CTNNBIP1: variants seen among roughly 807,000 people sequenced by gnomAD.
CTNNBIP1 encodes the protein beta-catenin-interacting protein 1.
Under a neutral mutation model 11.8 loss-of-function variants are expected in CTNNBIP1, and 7 were observed. That is an observed-to-expected ratio of 0.60 (90% CI 0.34 to 1.12). The LOEUF (loss-of-function observed/expected upper bound fraction) is 1.12, where lower values mean the gene tolerates loss of function less well. Among genes scored for constraint, CTNNBIP1 ranks in the 50% most tolerant of loss-of-function variants. The pLI is 0.03. For missense variants in CTNNBIP1, 101 were observed against 113.4 expected (o/e 0.89, Z 0.50); for synonymous variants, 58 against 43.9 (o/e 1.32, Z -1.26).
At chr1:9,868,962 C>T in intron 5 of CTNNBIP1, among the ~76,000 whole-genome samples, 1 of 151,944 alleles carries the variant, frequency 6.6e-6, no homozygotes. Context: ...AAATTTCTGA[C>T]AGTCTGGTAT....
At chr1:9,850,858 G>T in intron 5 of CTNNBIP1, 82 bp from the exon 6 acceptor site, 3 of 1,315,342 alleles carry the variant, frequency 2.3e-6, no homozygotes, top group Non-Finnish European at 3.3e-6. Context: ...CTGCGGCCAA[G>T]CTGGAGCCCC....
intron 5 of CTNNBIP1, among the ~76,000 whole-genome samples, chr1:9,857,903 G>T (rs1438726108): frequency 6.6e-6 from 1 of 152,232 alleles, no homozygotes; most frequent in South Asian, 2.1e-4. Context: ...TGGCCAGGTT[G>T]TGGAGCAATT....
chr1:9,865,039 G>A (rs1004549843), intron 5 of CTNNBIP1, among the ~76,000 whole-genome samples: 13 of 151,796 alleles, frequency 8.6e-5, no homozygotes, highest in African/African-American at 3.1e-4. Flanking sequence ...GACAAATCTG[G>A]CCAACATGGT....
intron 1 of CTNNBIP1, among the ~76,000 whole-genome samples, chr1:9,893,684 G>A (rs1336613507): frequency 6.6e-6 from 1 of 152,128 alleles, no homozygotes; most frequent in African/African-American, 2.4e-5. Context: ...GATTTCTGAG[G>A]ATTAAGACTT....
At chr1:9,899,993 G>A (rs986780252) in intron 1 of CTNNBIP1, among the ~76,000 whole-genome samples, 1 of 151,388 alleles carries the variant, frequency 6.6e-6, no homozygotes, top group African/African-American at 2.4e-5. Context: ...AGAATCCCTT[G>A]AACCCAGGAG....
chr1:9,860,636 GA>G (rs1236244940), intron 5 of CTNNBIP1, among the ~76,000 whole-genome samples: 2 of 136,032 alleles, frequency 1.5e-5, no homozygotes, highest in East Asian at 4.3e-4. Context: ...AAAAAAAAAA[GA>G]AAAAAGAATC....
intron 5 of CTNNBIP1, among the ~76,000 whole-genome samples, chr1:9,864,601 T>C (rs1005430683): frequency 6.6e-6 from 1 of 152,194 alleles, no homozygotes; most frequent in African/African-American, 2.4e-5. Context: ...GTGCTGAGAT[T>C]ACAGGTGTGA....
At chr1:9,888,304 G>A (rs990769951) in intron 1 of CTNNBIP1, among the ~76,000 whole-genome samples, 2 of 151,926 alleles carry the variant, frequency 1.3e-5, no homozygotes, top group South Asian at 2.1e-4. Context: ...CATGGTGGCC[G>A]GGCGCGGTGG....
intron 1 of CTNNBIP1, among the ~76,000 whole-genome samples, chr1:9,893,907 AG>A (rs1359988395): frequency 1.3e-5 from 2 of 152,252 alleles, no homozygotes; most frequent in East Asian, 3.8e-4. Flanking sequence ...CACCCAAAAA[AG>A]AAGTTCCTAA....
intron 5 of CTNNBIP1, among the ~76,000 whole-genome samples, chr1:9,865,228 C>CA (rs34199460): frequency 0.12 from 10,560 of 86,156 alleles, 464 homozygotes; most frequent in Middle Eastern, 0.23. Flanking sequence ...GACTCTGTCT[C>CA]AAAAAAAAAA....
intron 5 of CTNNBIP1, among the ~76,000 whole-genome samples, chr1:9,858,795 T>G (rs1638563875): frequency 6.6e-6 from 1 of 152,114 alleles, no homozygotes; most frequent in Non-Finnish European, 1.5e-5. Context: ...GAATCTTTAC[T>G]TTACAGATGA....
intron 5 of CTNNBIP1, among the ~76,000 whole-genome samples, chr1:9,858,249 C>T (rs1217961742): frequency 6.6e-6 from 1 of 152,152 alleles, no homozygotes; most frequent in Non-Finnish European, 1.5e-5. Context: ...CACATAACTG[C>T]CAGGGGGAAG....
At position 9,871,994 on chromosome 1, in the gene CTNNBIP1, A is replaced by G; in HGVS notation, c.71T>C (p.Leu24Pro). The change falls in exon 4 of 6, where the codon CTC (leucine) becomes CCC (proline). Residue 24 changes from leucine (L) to proline (P), a missense_variant. By Grantham distance (98) the Leu-to-Pro change is moderately conservative. Transcript: ENST00000377263. This position sits in a 1 kb window ranked among gnomAD's most constrained non-coding sequence, Gnocchi z 5.2. ...GTTTGATCCCATCTTCCGCAGCATG[A>G]GCAGCACTCGGACCTTCTGCTGAAT... Reference protein sequence around the residue: ...MYIQQKVRVLLMLRKMGSNLT... With the variant: ...MYIQQKVRVLPMLRKMGSNLT... 1.2e-6 allele frequency: 2 copies of G among 1,614,110 alleles called. No individual in the cohort carries two copies. Among genetic ancestry groups the G allele is most frequent in the Non-Finnish European group, 1.7e-6 (2 of 1,179,950 alleles).
intron 5 of CTNNBIP1, among the ~76,000 whole-genome samples, chr1:9,866,256 C>T (rs369517369): frequency 2.5e-4 from 38 of 152,242 alleles, no homozygotes; most frequent in African/African-American, 7.9e-4. Context: ...TGGTTCCTGG[C>T]GGCCAAGAGG....
chr1:9,908,208 A>G (rs1006667393), intron 1 of CTNNBIP1, among the ~76,000 whole-genome samples: 7 of 151,568 alleles, frequency 4.6e-5, no homozygotes, highest in African/African-American at 4.8e-5. Context: ...ACAGGCATGC[A>G]CCACCACGCT....
chr1:9,884,898 G>A (rs529416301), intron 1 of CTNNBIP1, among the ~76,000 whole-genome samples: 2 of 152,200 alleles, frequency 1.3e-5, no homozygotes, highest in Admixed American at 6.5e-5. Flanking sequence ...GCACAGGGGC[G>A]GCTGCAGGCC....
chr1:9,868,817 A>G (rs6681118), intron 5 of CTNNBIP1, among the ~76,000 whole-genome samples: 19,882 of 152,048 alleles, frequency 0.13, 4,282 homozygotes, highest in African/African-American at 0.45. Context: ...TGTATTTTTA[A>G]TAGAGACAGG....
At chr1:9,877,431 C>T (rs987262066) in intron 3 of CTNNBIP1, among the ~76,000 whole-genome samples, 2 of 152,172 alleles carry the variant, frequency 1.3e-5, no homozygotes, top group East Asian at 1.9e-4. Flanking sequence ...ATACCCAGGG[C>T]GGTCTTGCAC....
intron 5 of CTNNBIP1, among the ~76,000 whole-genome samples, chr1:9,852,937 C>T (rs1325748543): frequency 1.3e-5 from 2 of 152,176 alleles, no homozygotes; most frequent in East Asian, 3.9e-4. Flanking sequence ...CCAGGACTCC[C>T]GACTCCACAG....
Sources: allele counts gnomAD v4.1 joint callset (sites outside exome capture counted in the v4.1 genomes callset), GRCh38; gene constraint gnomAD v4.1.1; non-coding constraint Gnocchi (gnomAD v3.1); transcripts MANE v1.5; gene names NCBI Gene and HGNC (gene_info 2026-07-23, HGNC 2026-07-21).